Variants in INPP5A observed in about 807,000 individuals in gnomAD.
INPP5A encodes the protein 43 kDa inositol polyphosphate 5-phophatase.
A neutral mutation model predicts 65.2 loss-of-function variants in INPP5A; 14 were observed. The ratio of observed to expected loss-of-function variants is 0.21; its 90% CI spans 0.14 to 0.34. The LOEUF is 0.34. Among genes scored for constraint, INPP5A ranks in the 10% least tolerant of loss-of-function variants. INPP5A has a pLI of 1.00. For missense variants in INPP5A, 431 were observed against 545.6 expected (o/e 0.79, Z 2.09); for synonymous variants, 207 against 208.3 (o/e 0.99, Z 0.05).
Position 132,741,618 on chromosome 10 carries a change from G to A in INPP5A, c.733-7899G>A, listed in dbSNP as rs1214019004. 2.0e-5 allele frequency among the ~76,000 whole-genome samples: 3 copies of A among 152,146 alleles called. No individual in the cohort carries two copies. Among genetic ancestry groups the A allele is most frequent in the Non-Finnish European group, 2.9e-5 (2 of 68,022 alleles). ...TCCACTCTGCAGAACCCCGGCCCTCGTCACACCCAGAACAGGATACCCCGG... is the reference window on the plus strand; with the variant it reads ...TCCACTCTGCAGAACCCCGGCCCTCATCACACCCAGAACAGGATACCCCGG... On this transcript the variant is annotated intron_variant, in intron 9 of 15. Transcript: ENST00000368594. This position sits in a 1 kb window ranked among gnomAD's most constrained non-coding sequence, Gnocchi z 4.4.
chr10:132,743,590 C>G (rs12767283), intron 9 of INPP5A, among the ~76,000 whole-genome samples: 23,898 of 150,532 alleles, frequency 0.16, 2,300 homozygotes, highest in Non-Finnish European at 0.22. Context: ...CTGCAAAGTG[C>G]CAGAGGCAGT....
chr10:132,681,427 G>A (rs912579767), intron 4 of INPP5A, among the ~76,000 whole-genome samples: 5 of 152,116 alleles, frequency 3.3e-5, no homozygotes, highest in Admixed American at 1.3e-4. Context: ...CTGAGCCAGC[G>A]AGACCACGAA....
In INPP5A at chr10:132,753,225, C is replaced by G. The variant is rs564042595; in HGVS notation, c.903+3380C>G. Among the ~76,000 whole-genome samples the G allele has an allele frequency of 2.4e-3, 364 of 152,270 alleles. No individual in the cohort carries two copies. Among genetic ancestry groups the G allele is most frequent in the African/African-American group, 8.2e-3 (341 of 41,560 alleles). ...GTTGTGCCCAGAAATTGGCAGTTGT[C>G]CCCATCGACGGAGGGTCAAGGTGGT... On this transcript the variant is annotated intron_variant, in intron 11 of 15. Transcript: ENST00000368594. The surrounding 1 kb of genome is among the most constrained non-coding windows in gnomAD (Gnocchi z 5.3).
chr10:132,771,924 A>G (rs1257715300), intron 12 of INPP5A, among the ~76,000 whole-genome samples: 5 of 30,624 alleles, frequency 1.6e-4, no homozygotes, highest in East Asian at 1.2e-3. Context: ...CAGCCACCCG[A>G]TGAAGAGTGG....
rs113554272 is a variant in INPP5A, at chr10:132,629,021, C to T, written c.118-16847C>T. Among the ~76,000 whole-genome samples, 1,243 of 152,252 alleles carry T rather than the reference C, an allele frequency of 8.2e-3. 15 individuals carry two copies. Among genetic ancestry groups the T allele is most frequent in the African/African-American group, 0.029 (1,191 of 41,530 alleles). On this transcript the variant is annotated intron_variant, in intron 2 of 15. Coordinates refer to ENST00000368594, the MANE Select transcript of INPP5A (RefSeq NM_005539.5). The stretch of plus-strand genomic sequence containing the variant: ...GAACCGGGTGTGTTTGACCCTGAGC[C>T]GTGGCCGCACAGATGGCAGGAGCGA...
chr10:132,718,554 GACT>G (rs1845790811), intron 8 of INPP5A, among the ~76,000 whole-genome samples: 2 of 146,028 alleles, frequency 1.4e-5, no homozygotes, highest in African/African-American at 2.5e-5. Context: ...CACCTTAGAC[GACT>G]GTCTTCAGGG....
chr10:132,727,854 A>G lies in INPP5A; in HGVS notation c.732+949A>G, dbSNP rs1846013538. Among the ~76,000 whole-genome samples the G allele has an allele frequency of 6.6e-6, 1 of 152,158 alleles. No homozygotes were observed. Among genetic ancestry groups the G allele is most frequent in the Non-Finnish European group, 1.5e-5 (1 of 68,026 alleles). On this transcript the variant is annotated intron_variant, in intron 9 of 15. Coordinates refer to ENST00000368594, the MANE Select transcript of INPP5A (RefSeq NM_005539.5). This position sits in a 1 kb window ranked among gnomAD's most constrained non-coding sequence, Gnocchi z 6.5. ...GGGACATGGTGAGTTGGATGGGGAC[A>G]CAGTGAGTTGGATGGGAACACGGTG...
chr10:132,674,888 C>T lies in INPP5A; in HGVS notation c.307-15504C>T, dbSNP rs1472595158. ...GGCCTCACTCCAAAATCCTAGAGGC[C>T]TCCGCTGTGATTCACCTATGGGGAC... is the stretch of plus-strand genomic sequence containing the variant. On this transcript the variant is annotated intron_variant, in intron 4 of 15. Transcript: ENST00000368594. The surrounding 1 kb of genome is among the most constrained non-coding windows in gnomAD (Gnocchi z 4.4). Among the ~76,000 whole-genome samples, 7 of 152,298 alleles carry T rather than the reference C, an allele frequency of 4.6e-5. No homozygotes were observed. The East Asian group carries it at 1.4e-3, about 29-fold the overall frequency.
rs11146416 is a variant in INPP5A, at chr10:132,546,227, C to T, written c.75+8056C>T. 0.01 allele frequency among the ~76,000 whole-genome samples: 1,551 copies of T among 152,354 alleles called. 21 individuals carry two copies. The highest frequency in any genetic ancestry group is 0.036 in the African/African-American group (1,482 of 41,584). On this transcript the variant is annotated intron_variant, in intron 1 of 15. Transcript: ENST00000368594. The surrounding 1 kb of genome is among the most constrained non-coding windows in gnomAD (Gnocchi z 5.7). The stretch of plus-strand genomic sequence containing the variant: ...GGGCAGGTCTAGGGTGATGGCGCTC[C>T]CAGCCCGCGGGGGTCTTGGCGTTGG...
At chr10:132,570,958 G>A (rs2071333879) in intron 1 of INPP5A, among the ~76,000 whole-genome samples, 1 of 152,236 alleles carries the variant, frequency 6.6e-6, no homozygotes, top group Non-Finnish European at 1.5e-5. Flanking sequence ...TGGCTCTCCT[G>A]GTGGGTGGGG....
chr10:132,650,276 C>T lies in INPP5A; in HGVS notation c.219-142C>T. Reference sequence around the variant, plus strand: ...AGCTCCTGCGGTGGCTGCCGCCATTCCCTGCCCTCTGCCTGTCACGGGTGG... The same window carrying T: ...AGCTCCTGCGGTGGCTGCCGCCATTTCCTGCCCTCTGCCTGTCACGGGTGG... On this transcript the variant is annotated intron_variant, in intron 3 of 15. Coordinates refer to ENST00000368594, the MANE Select transcript of INPP5A (RefSeq NM_005539.5). This position sits in a 1 kb window ranked among gnomAD's most constrained non-coding sequence, Gnocchi z 5.5. The T allele has an allele frequency of 1.5e-6, 1 of 654,504 alleles. No individual in the cohort carries two copies. Among genetic ancestry groups the T allele is most frequent in the East Asian group, 2.7e-5 (1 of 36,882 alleles). 40.5% of individuals were successfully genotyped at this position (654,504 alleles called of 1,614,324 possible).
chr10:132,560,688 T>C (rs988680174), intron 1 of INPP5A, among the ~76,000 whole-genome samples: 1 of 152,200 alleles, frequency 6.6e-6, no homozygotes, highest in Non-Finnish European at 1.5e-5. Context: ...CAGCCTCCTC[T>C]TGGGCTCAAG....
At chr10:132,580,299 TAGTG>T (rs371922767) in intron 1 of INPP5A, among the ~76,000 whole-genome samples, 112 of 152,312 alleles carry the variant, frequency 7.4e-4, no homozygotes, top group African/African-American at 2.1e-3. Flanking sequence ...TTTCTCGTGA[TAGTG>T]AGTGAGTTCT....
intron 1 of INPP5A, among the ~76,000 whole-genome samples, chr10:132,591,160 A>C (rs746173472): frequency 6.6e-6 from 1 of 152,140 alleles, no homozygotes; most frequent in Non-Finnish European, 1.5e-5. Flanking sequence ...AGTTCTTTCA[A>C]TTGCAAGAAG....
In INPP5A at chr10:132,538,151, G is replaced by C; in HGVS notation, c.55G>C (p.Val19Leu). Reference protein sequence around the residue: ...GTAVLLVTANVGSLFDDPENL... With the variant: ...GTAVLLVTANLGSLFDDPENL... ...CGCGGTGCTGCTGGTCACGGCCAAC[G>C]TGGGCTCGCTCTTCGACGACGTAAG... Residue 19 changes from valine to leucine, a missense_variant, in exon 1 of 16, where the codon GTG becomes CTG. Coordinates refer to ENST00000368594, the MANE Select transcript of INPP5A (RefSeq NM_005539.5). The surrounding 1 kb of genome is among the most constrained non-coding windows in gnomAD (Gnocchi z 4.1). 7.8e-7 allele frequency: 1 copy of C among 1,280,434 alleles called. No homozygotes were observed. The allele number at this position is 1,280,434 out of a possible 1,614,324, so 79.3% of individuals were successfully genotyped here.
chr10:132,565,825 G>A (rs2071268026), intron 1 of INPP5A, among the ~76,000 whole-genome samples: 1 of 151,714 alleles, frequency 6.6e-6, no homozygotes, highest in Admixed American at 6.6e-5. Flanking sequence ...ATGCATGTAT[G>A]TGTGCATGTG....
intron 6 of INPP5A, among the ~76,000 whole-genome samples, chr10:132,701,378 T>C (rs532930383): frequency 6.6e-6 from 1 of 152,202 alleles, no homozygotes; most frequent in East Asian, 1.9e-4. Context: ...TGCAGGCTCC[T>C]GAGGGCTCCC....
In INPP5A at chr10:132,650,569, TCTC is replaced by T. The variant is rs540596207; in HGVS notation, c.306+67_306+69del. On this transcript the variant is annotated intron_variant, in intron 4 of 15. Transcript: ENST00000368594. This position sits in a 1 kb window ranked among gnomAD's most constrained non-coding sequence, Gnocchi z 5.5. ...GCTGGCCTTGGCAGAAGCCAGCCCT[TCTC>T]CTGTGTAAATGGAGAGAGGTCGGGG... 380 of 1,190,110 alleles carry T rather than the reference TCTC, an allele frequency of 3.2e-4. 1 individual carries two copies. In the South Asian group the frequency reaches 4.4e-3, roughly 14 times the overall value. The allele number at this position is 1,190,110 out of a possible 1,614,324, so 73.7% of individuals were successfully genotyped here. A position where few individuals can be genotyped will look rare whatever the true frequency, so the allele number is the denominator to read the frequency against.
chr10:132,713,326 C>T (rs138948520), intron 8 of INPP5A, among the ~76,000 whole-genome samples: 27 of 152,124 alleles, frequency 1.8e-4, no homozygotes, highest in Admixed American at 5.9e-4. Flanking sequence ...CTGCATTCTC[C>T]AGTAGGTGTG....
Sources: gnomAD v4.1 joint callset for allele counts (sites outside exome capture counted in the v4.1 genomes callset) on GRCh38, gnomAD v4.1.1 for gene constraint, Gnocchi (gnomAD v3.1) non-coding constraint, MANE v1.5 for transcripts, NCBI Gene and HGNC (gene_info 2026-07-23, HGNC 2026-07-21) for gene names.